Variants in KIRREL3 observed in about 807,000 individuals in gnomAD.
The protein encoded by KIRREL3 is kirre like nephrin family adhesion molecule 3, also known as kin of IRRE-like protein 3.
KIRREL3 carries 36 observed loss-of-function variants against 89.7 expected under a neutral mutation model. That is an observed-to-expected ratio of 0.40 (90% CI 0.31 to 0.53). The LOEUF is 0.53. Ranked by LOEUF, KIRREL3 falls within the 20% of genes least tolerant of loss-of-function variation. The pLI, the probability that KIRREL3 is intolerant of heterozygous loss-of-function variation, is 0.49. For missense variants in KIRREL3, 864 were observed against 1,056.6 expected, an observed-to-expected ratio of 0.82 and a Z score of 2.53; for synonymous variants, 445 against 441.4, an observed-to-expected ratio of 1.01 and a Z score of -0.10.
rs368116867 is a variant in KIRREL3, at chr11:126,795,839, C to T, written c.55+204616G>A. Reference sequence around the variant, plus strand: ...TGCACCCCAAGAGCGTACATCAGCTCTTTGGAGGGGCATGTAGATACCCCA... The same window carrying T: ...TGCACCCCAAGAGCGTACATCAGCTTTTTGGAGGGGCATGTAGATACCCCA... On this transcript the variant is annotated intron_variant, in intron 1 of 16. Coordinates refer to ENST00000525144, the MANE Select transcript of KIRREL3 (RefSeq NM_032531.4). The surrounding 1 kb of genome is among the most constrained non-coding windows in gnomAD (Gnocchi z 4.1). 6.6e-6 allele frequency among the ~76,000 whole-genome samples: 1 copy of T among 152,288 alleles called. No homozygotes were observed. The highest frequency in any genetic ancestry group is 2.4e-5 in the African/African-American group (1 of 41,564).
At chr11:126,986,340 G>T (rs1034281061) in intron 1 of KIRREL3, among the ~76,000 whole-genome samples, 8 of 152,216 alleles carry the variant, frequency 5.3e-5, no homozygotes, top group African/African-American at 1.7e-4. Flanking sequence ...AATACTTGTG[G>T]TTGTATTGAC....
At position 126,715,193 on chromosome 11, in the gene KIRREL3, G is replaced by C. The variant is rs1287043419; in HGVS notation, c.56-152281C>G. On this transcript the variant is annotated intron_variant, in intron 1 of 16. Coordinates refer to ENST00000525144, the MANE Select transcript of KIRREL3 (RefSeq NM_032531.4). The surrounding 1 kb of genome is among the most constrained non-coding windows in gnomAD (Gnocchi z 4.4). ...GTTTATTTCCTCTTTCAAGGGAACT[G>C]TGTAGAGGAAGAAATCAGTTGAGAA... 6.6e-6 allele frequency among the ~76,000 whole-genome samples: 1 copy of C among 152,214 alleles called. No individual in the cohort carries two copies. The highest frequency in any genetic ancestry group is 1.5e-5 in the Non-Finnish European group (1 of 68,042).
intron 5 of KIRREL3, among the ~76,000 whole-genome samples, chr11:126,472,699 T>TG (rs1361335302): frequency 1.6e-5 from 1 of 61,348 alleles, no homozygotes; most frequent in Non-Finnish European, 3.6e-5. Flanking sequence ...CCCTAGGACA[T>TG]AGAGGAGAGA....
rs1944091529 is a variant in KIRREL3, at chr11:126,844,981, C to CT, written c.55+155473dup. Among the ~76,000 whole-genome samples the CT allele has an allele frequency of 6.6e-6, 1 of 152,090 alleles. No individual in the cohort carries two copies. Among genetic ancestry groups the CT allele is most frequent in the Admixed American group, 6.6e-5 (1 of 15,264 alleles). ...CTTCCCCACCCTGCTGTGCACAATGCTTTTTTCTCTTTCTCTTTTTGATCT... is the reference window on the plus strand; with the variant it reads ...CTTCCCCACCCTGCTGTGCACAATGCTTTTTTTCTCTTTCTCTTTTTGATCT... On this transcript the variant is annotated intron_variant, in intron 1 of 16. Transcript: ENST00000525144. The surrounding 1 kb of genome is among the most constrained non-coding windows in gnomAD (Gnocchi z 4.8).
rs1476949360 is a variant in KIRREL3 at position 126,852,543 on chromosome 11, C to A, written c.55+147912G>T. Among the ~76,000 whole-genome samples, 6 of 152,234 alleles carry A rather than the reference C, an allele frequency of 3.9e-5. No individual in the cohort carries two copies. In the South Asian group the frequency reaches 1.2e-3, roughly 32 times the overall value. ...ATATAGTATCTGGAGACCGTAAGTCCTCTGGGAAGGTCAACCAGCATTGTG... is the reference window on the plus strand; with the variant it reads ...ATATAGTATCTGGAGACCGTAAGTCATCTGGGAAGGTCAACCAGCATTGTG... On this transcript the variant is annotated intron_variant, in intron 1 of 16. Coordinates refer to ENST00000525144, the MANE Select transcript of KIRREL3 (RefSeq NM_032531.4).
At chr11:126,440,061 C>T (rs1416133121) in intron 11 of KIRREL3, 8 of 398,168 alleles carry the variant, frequency 2.0e-5, no homozygotes, top group South Asian at 4.0e-5. Context: ...CCAGGAGGCA[C>T]AGAAAGGGGT....
chr11:126,794,774 C>T (rs10790828), intron 1 of KIRREL3, among the ~76,000 whole-genome samples: 36,839 of 152,088 alleles, frequency 0.24, 4,959 homozygotes, highest in East Asian at 0.51. Context: ...TTAAAACTTA[C>T]GTCCACCTAA....
Position 126,474,331 on chromosome 11 carries a change from A to G in KIRREL3, c.434-865T>C, listed in dbSNP as rs942362842. ...ACAGTCTGGTGAGGTCAACATTACC[A>G]CCCCAATGACACAGATCCGGAAGCC... On this transcript the variant is annotated intron_variant, in intron 4 of 16. Transcript: ENST00000525144. This position sits in a 1 kb window ranked among gnomAD's most constrained non-coding sequence, Gnocchi z 6.7. Among the ~76,000 whole-genome samples the G allele has an allele frequency of 6.6e-6, 1 of 152,010 alleles. No homozygotes were observed. Among genetic ancestry groups the G allele is most frequent in the Non-Finnish European group, 1.5e-5 (1 of 67,994 alleles).
At chr11:126,649,927 G>C (rs1408896485) in intron 1 of KIRREL3, among the ~76,000 whole-genome samples, 1 of 152,218 alleles carries the variant, frequency 6.6e-6, no homozygotes, top group African/African-American at 2.4e-5. Flanking sequence ...TTCTGCCTGG[G>C]CATCCAGGAG....
chr11:126,845,393 C>T (rs914075213), intron 1 of KIRREL3, among the ~76,000 whole-genome samples: 6 of 151,968 alleles, frequency 3.9e-5, no homozygotes, highest in Non-Finnish European at 7.4e-5. Flanking sequence ...CTGTTTATCT[C>T]CTCTGTTCAA....
At chr11:126,593,912 A>G (rs1392243438) in intron 1 of KIRREL3, among the ~76,000 whole-genome samples, 1 of 152,118 alleles carries the variant, frequency 6.6e-6, no homozygotes, top group Admixed American at 6.6e-5. Context: ...GGTGCAATAC[A>G]ACTGTCCCCC....
At chr11:126,899,009 T>TGC (rs1555079801) in intron 1 of KIRREL3, among the ~76,000 whole-genome samples, 7 of 149,534 alleles carry the variant, frequency 4.7e-5, no homozygotes, top group African/African-American at 1.7e-4. Context: ...CAGGGGAGTT[T>TGC]GGGGGGGGTC....
intron 1 of KIRREL3, among the ~76,000 whole-genome samples, chr11:126,745,729 T>C (rs755195550): frequency 1.2e-4 from 18 of 152,234 alleles, no homozygotes; most frequent in Non-Finnish European, 2.4e-4. Flanking sequence ...TAGCCTGCAG[T>C]GTCTCTCTGG....
intron 1 of KIRREL3, among the ~76,000 whole-genome samples, chr11:126,616,127 A>G (rs1287185894): frequency 6.6e-6 from 1 of 152,200 alleles, no homozygotes; most frequent in Non-Finnish European, 1.5e-5. Context: ...CTCCAAGGAA[A>G]TCTTTCATCA....
At chr11:126,852,846 G>T (rs1944387562) in intron 1 of KIRREL3, among the ~76,000 whole-genome samples, 1 of 152,180 alleles carries the variant, frequency 6.6e-6, no homozygotes, top group Non-Finnish European at 1.5e-5. Flanking sequence ...GCTCTGGAAG[G>T]CAGGTGGACT....
chr11:126,609,135 C>T lies in KIRREL3; in HGVS notation c.56-46223G>A, dbSNP rs1316219616. ...TGAGGAGCACTGCAGCGAGACCTGA[C>T]CACCGCCCAGCCCAGGTTGGGTTTG... is the stretch of plus-strand genomic sequence containing the variant. On this transcript the variant is annotated intron_variant, in intron 1 of 16. Coordinates refer to ENST00000525144, the MANE Select transcript of KIRREL3 (RefSeq NM_032531.4). This position sits in a 1 kb window ranked among gnomAD's most constrained non-coding sequence, Gnocchi z 5.0. Among the ~76,000 whole-genome samples, 4 of 152,140 alleles carry T rather than the reference C, an allele frequency of 2.6e-5. No individual in the cohort carries two copies. The highest frequency in any genetic ancestry group is 1.9e-4 in the East Asian group (1 of 5,186).
upstream of KIRREL3, among the ~76,000 whole-genome samples, chr11:127,002,126 A>C (rs1414101307): frequency 6.6e-6 from 1 of 152,232 alleles, no homozygotes; most frequent in Non-Finnish European, 1.5e-5. Flanking sequence ...AACTTTAAAA[A>C]ATTATCCCTT....
rs988128218 is a variant in KIRREL3 at position 126,431,681 on chromosome 11, A to G, written c.1589-155T>C. Among the ~76,000 whole-genome samples the G allele has an allele frequency of 1.3e-5, 2 of 152,166 alleles. No homozygotes were observed. Among genetic ancestry groups the G allele is most frequent in the Non-Finnish European group, 2.9e-5 (2 of 68,014 alleles). On this transcript the variant is annotated intron_variant, in intron 13 of 16. Coordinates refer to ENST00000525144, the MANE Select transcript of KIRREL3 (RefSeq NM_032531.4). This position sits in a 1 kb window ranked among gnomAD's most constrained non-coding sequence, Gnocchi z 7.1. ...CCTGGGCAGGCACAGGCCGAGTCCAACTGGGGTCAGCTCTAGCTGGGACTG... is the reference window on the plus strand; with the variant it reads ...CCTGGGCAGGCACAGGCCGAGTCCAGCTGGGGTCAGCTCTAGCTGGGACTG...
At chr11:126,532,883 C>T (rs1784231) in intron 2 of KIRREL3, among the ~76,000 whole-genome samples, 124,255 of 151,444 alleles carry the variant, frequency 0.82, 51,249 homozygotes, top group East Asian at 1. Flanking sequence ...CTTAAAATGG[C>T]TATTTAATAT....
Sources: allele counts gnomAD v4.1 joint callset (sites outside exome capture counted in the v4.1 genomes callset), GRCh38; gene constraint gnomAD v4.1.1; non-coding constraint Gnocchi (gnomAD v3.1); transcripts MANE v1.5; gene names NCBI Gene and HGNC (gene_info 2026-07-23, HGNC 2026-07-21).